Variants in GNB5 observed in about 807,000 individuals in gnomAD.
GNB5 encodes G protein subunit beta 5, also known as guanine nucleotide-binding protein subunit beta-5.
Under a neutral mutation model 55.3 loss-of-function variants are expected in GNB5, and 37 were observed. The observed-to-expected ratio is 0.67, with a 90% CI of 0.51 to 0.88. The LOEUF (loss-of-function observed/expected upper bound fraction) is 0.88, where lower values mean the gene tolerates loss of function less well. GNB5 is among the 40% of genes least tolerant of loss of function. GNB5 has a pLI of 0.00. For missense variants in GNB5, 476 were observed against 515.3 expected (o/e 0.92, Z 0.74); for synonymous variants, 219 against 198.5 (o/e 1.10, Z -0.87).
chr15:52,141,550 A>C (rs1455575147), intron 6 of GNB5, among the ~76,000 whole-genome samples: 2 of 151,558 alleles, frequency 1.3e-5, no homozygotes, highest in Admixed American at 1.3e-4. Flanking sequence ...AAGTGCTAGG[A>C]TTACAGGTGT....
At position 52,165,462 on chromosome 15, in the gene GNB5, G is replaced by A. The variant is rs529066532; in HGVS notation, c.239-11386C>T. 1.7e-4 allele frequency among the ~76,000 whole-genome samples: 26 copies of A among 152,072 alleles called. No individual in the cohort carries two copies. The East Asian group carries it at 5.0e-3, about 29-fold the overall frequency. On this transcript the variant is annotated intron_variant, in intron 3 of 12. Transcript: ENST00000261837. ...AAAAAATGTTAAGGGCAGCCAGAGA[G>A]AAAAGCAAAGGGAAGCCCGCCAGAC...
intron 8 of GNB5, among the ~76,000 whole-genome samples, chr15:52,135,010 T>A (rs917825395): frequency 2.0e-5 from 3 of 152,038 alleles, no homozygotes; most frequent in Non-Finnish European, 4.4e-5. Context: ...AGCAAAGCCC[T>A]GACCCAGGCA....
chr15:52,188,022 C>T (rs561563673), intron 1 of GNB5, among the ~76,000 whole-genome samples: 7 of 151,982 alleles, frequency 4.6e-5, no homozygotes, highest in Non-Finnish European at 1.0e-4. Flanking sequence ...GAAAGTAAAT[C>T]GCCCACATGC....
At chr15:52,163,822 G>A (rs540237766) in intron 3 of GNB5, among the ~76,000 whole-genome samples, 26 of 152,314 alleles carry the variant, frequency 1.7e-4, no homozygotes, top group African/African-American at 5.5e-4. Context: ...CTCCAGGAGC[G>A]TTCCAGCTGG....
intron 1 of GNB5, among the ~76,000 whole-genome samples, chr15:52,190,325 A>G (rs980082546): frequency 6.6e-6 from 1 of 151,748 alleles, no homozygotes; most frequent in Non-Finnish European, 1.5e-5. Context: ...CACCGTGTTA[A>G]CCAGGATGCT....
intron 7 of GNB5, chr15:52,137,949 G>A: frequency 7.8e-7 from 1 of 1,287,014 alleles, no homozygotes; most frequent in Non-Finnish European, 1.0e-6. Context: ...TGATGGCTGA[G>A]GAAAGAAAAG....
At chr15:52,153,068 CTA>C (rs755936963) in intron 4 of GNB5, among the ~76,000 whole-genome samples, 8 of 152,238 alleles carry the variant, frequency 5.3e-5, no homozygotes, top group Non-Finnish European at 1.0e-4. Flanking sequence ...TCACACTTTT[CTA>C]TAGTCTCTTT....
intron 6 of GNB5, among the ~76,000 whole-genome samples, chr15:52,145,016 C>T (rs1482824918): frequency 2.0e-5 from 3 of 152,028 alleles, no homozygotes; most frequent in Admixed American, 1.3e-4. Flanking sequence ...ATGAGTTTGG[C>T]GAGTTGTTTT....
In GNB5 at chr15:52,117,102, A is replaced by ATATATATAAT; in HGVS notation, c.*5654_*5655insATTATATATA. ...CCACGCCCAGCTAATATATATATAT[A>ATATATATAAT]TTTTTTTTTAGTACAGACAGGGTTT... On this transcript the variant is annotated 3_prime_UTR_variant, in exon 13 of 13. Coordinates refer to ENST00000261837, the MANE Select transcript of GNB5 (RefSeq NM_016194.4). The ATATATATAAT allele has an allele frequency of 2.3e-5, 2 of 87,102 alleles. No individual in the cohort carries two copies. The highest frequency in any genetic ancestry group is 1.2e-4 in the African/African-American group (2 of 16,420). The allele number at this position is 87,102 out of a possible 1,614,324, so 5.4% of individuals were successfully genotyped here.
intron 7 of GNB5, chr15:52,140,002 A>C (rs563777517): frequency 1.7e-6 from 2 of 1,211,954 alleles, no homozygotes; most frequent in South Asian, 2.8e-5. Flanking sequence ...TGGCCACTGC[A>C]CCAGTCAGTG....
chr15:52,137,902 A>C, intron 7 of GNB5: 1 of 1,286,870 alleles, frequency 7.8e-7, no homozygotes, highest in South Asian at 1.2e-5. Flanking sequence ...CTCTTGCAGC[A>C]TAAGTGTCCA....
At chr15:52,138,027 A>G in intron 7 of GNB5, 1 of 1,101,272 alleles carries the variant, frequency 9.1e-7, no homozygotes, top group Non-Finnish European at 1.2e-6. Context: ...TTCAATTTCC[A>G]GCTGCTGATG....
chr15:52,128,799 T>C, intron 9 of GNB5: 2 of 453,320 alleles, frequency 4.4e-6, no homozygotes, highest in South Asian at 1.6e-5. Flanking sequence ...ATTCAATAAA[T>C]GATAATTATT....
At position 52,134,063 on chromosome 15, in the gene GNB5, C is replaced by T. The variant is rs112145643; in HGVS notation, c.772-594G>A. The stretch of plus-strand genomic sequence containing the variant: ...GCCCATAAGGGTGCTGCCATCGACG[C>T]GCAGGGTGGCTTAGGCAAGTCACCT... On this transcript the variant is annotated intron_variant, in intron 8 of 12. Transcript: ENST00000261837. Among the ~76,000 whole-genome samples the T allele has an allele frequency of 2.9e-3, 444 of 152,352 alleles. 1 individual carries two copies. The highest frequency in any genetic ancestry group is 0.01 in the African/African-American group (420 of 41,598).
At chr15:52,159,185 G>C (rs373057356) in intron 3 of GNB5, among the ~76,000 whole-genome samples, 1 of 152,122 alleles carries the variant, frequency 6.6e-6, no homozygotes, top group Non-Finnish European at 1.5e-5. Context: ...AAGTAATGGC[G>C]CTGTACACCC....
Position 52,117,102 on chromosome 15 carries a change from A to ATATATATATTTTTTTTTTTTTTTTTTTTT in GNB5, c.*5654_*5655insAAAAAAAAAAAAAAAAAAAAATATATATA. 2 of 87,100 alleles carry ATATATATATTTTTTTTTTTTTTTTTTTTT rather than the reference A, an allele frequency of 2.3e-5. No homozygotes were observed. The highest frequency in any genetic ancestry group is 4.3e-5 in the Non-Finnish European group (2 of 46,202). 5.4% of individuals were successfully genotyped at this position (87,100 alleles called of 1,614,324 possible). On this transcript the variant is annotated 3_prime_UTR_variant, in exon 13 of 13. Transcript: ENST00000261837. Reference sequence around the variant, plus strand: ...CCACGCCCAGCTAATATATATATATATTTTTTTTTAGTACAGACAGGGTTT... The same window carrying ATATATATATTTTTTTTTTTTTTTTTTTTT: ...CCACGCCCAGCTAATATATATATATATATATATATTTTTTTTTTTTTTTTTTTTTTTTTTTTTTAGTACAGACAGGGTTT...
intron 3 of GNB5, among the ~76,000 whole-genome samples, chr15:52,166,196 T>C (rs1184864284): frequency 1.3e-5 from 2 of 152,126 alleles, no homozygotes; most frequent in African/African-American, 4.8e-5. Flanking sequence ...ATAAAGCAAG[T>C]TCTTACAGAT....
chr15:52,142,469 T>C (rs1011884941), intron 6 of GNB5, among the ~76,000 whole-genome samples: 5 of 152,230 alleles, frequency 3.3e-5, no homozygotes, highest in African/African-American at 1.2e-4. Flanking sequence ...TAAATTTGTT[T>C]TTTTTTCTTA....
At chr15:52,156,952 T>C (rs2034219644) in intron 3 of GNB5, among the ~76,000 whole-genome samples, 1 of 151,582 alleles carries the variant, frequency 6.6e-6, no homozygotes, top group South Asian at 2.1e-4. Flanking sequence ...TTTTTTTTTT[T>C]TGAGACGGAG....
Sources: gnomAD v4.1 joint callset for allele counts (sites outside exome capture counted in the v4.1 genomes callset) on GRCh38, gnomAD v4.1.1 for gene constraint, MANE v1.5 for transcripts, NCBI Gene and HGNC (gene_info 2026-07-23, HGNC 2026-07-21) for gene names.